The following UGT3A2 variants were observed in gnomAD, a reference collection of about 807,000 sequenced individuals.
UGT3A2 encodes the protein UDP glycosyltransferase family 3 member A2.
UGT3A2 carries 32 observed loss-of-function variants against 39.8 expected under a neutral mutation model. That is an observed-to-expected ratio of 0.80 (90% confidence interval 0.61 to 1.08). The LOEUF (loss-of-function observed/expected upper bound fraction) is 1.08. Ranked by LOEUF, UGT3A2 falls within the 50% of genes least tolerant of loss-of-function variation. The probability of loss-of-function intolerance (pLI) is 0.00; values close to 1 mark genes in which losing one functional copy is unlikely to be tolerated. For missense variants in UGT3A2, 611 were observed against 637.1 expected (o/e 0.96, Z 0.44); for synonymous variants, 241 against 230.7 (o/e 1.04, Z -0.40).
chr5:36,066,864 T>A lies in UGT3A2; in HGVS notation c.-75A>T. The stretch of plus-strand genomic sequence containing the variant: ...GCCCGGCTAAGGGACCCTGTGCACC[T>A]CAGTGCGCCAAAGGCACTGGCTGTG... On this transcript the variant is annotated 5_prime_UTR_variant, in exon 1 of 7. Coordinates refer to ENST00000282507, the MANE Select transcript of UGT3A2 (RefSeq NM_174914.4). The A allele has an allele frequency of 6.4e-7, 1 of 1,557,416 alleles. No individual in the cohort carries two copies. The highest frequency in any genetic ancestry group is 8.9e-7 in the Non-Finnish European group (1 of 1,129,446).
chr5:36,043,380 A>G (rs1742071892), intron 4 of UGT3A2, among the ~76,000 whole-genome samples: 1 of 152,026 alleles, frequency 6.6e-6, no homozygotes, highest in South Asian at 2.1e-4. Context: ...TACAGTGAAA[A>G]CGATACTAAG....
chr5:36,035,631 A>C lies in UGT3A2; in HGVS notation c.*67T>G. The C allele has an allele frequency of 6.4e-7, 1 of 1,564,206 alleles. No individual in the cohort carries two copies. Among genetic ancestry groups the C allele is most frequent in the East Asian group, 2.3e-5 (1 of 44,278 alleles). ...ACTAGAGAATGGGGCTGCCAGAACTAGTGGGAAGCTCCCTAGAAATGGTGA... is the reference window on the plus strand; with the variant it reads ...ACTAGAGAATGGGGCTGCCAGAACTCGTGGGAAGCTCCCTAGAAATGGTGA... On this transcript the variant is annotated 3_prime_UTR_variant, in exon 7 of 7. Coordinates refer to ENST00000282507, the MANE Select transcript of UGT3A2 (RefSeq NM_174914.4).
rs1318228530 is a variant in UGT3A2 at position 36,049,283 on chromosome 5, C to T, written c.449G>A (p.Cys150Tyr). The T allele has an allele frequency of 6.2e-7, 1 of 1,614,132 alleles. No individual in the cohort carries two copies. Among genetic ancestry groups the T allele is most frequent in the South Asian group, 1.1e-5 (1 of 91,078 alleles). The part of the protein sequence containing the change: ...DMVIVETFDY[C>Y]PFLIAEKLGK... Reference sequence around the variant, plus strand: ...AAGCTTCTCAGCAATCAGGAAAGGACAGTAGTCAAAAGTTTCAACTATCAC... The same window carrying T: ...AAGCTTCTCAGCAATCAGGAAAGGATAGTAGTCAAAAGTTTCAACTATCAC... The change falls in exon 4 of 7, where the codon TGT (cysteine) becomes TAT (tyrosine). Residue 150 changes from cysteine to tyrosine, a missense_variant. Transcript: ENST00000282507.
chr5:36,041,256 G>A lies in UGT3A2; in HGVS notation c.844-1548C>T, dbSNP rs536861307. On this transcript the variant is annotated intron_variant, in intron 4 of 6. Coordinates refer to ENST00000282507, the MANE Select transcript of UGT3A2 (RefSeq NM_174914.4). ...TAGATCCCTACAATTCCCAATTCCA[G>A]GACCCAGTTCCTGGACAGAATTCCT... Among the ~76,000 whole-genome samples the A allele has an allele frequency of 4.3e-4, 65 of 152,188 alleles. 1 individual carries two copies. In the South Asian group the frequency reaches 0.013, roughly 31 times the overall value.
chr5:36,040,815 C>G (rs1262911895), intron 4 of UGT3A2, among the ~76,000 whole-genome samples: 1 of 152,162 alleles, frequency 6.6e-6, no homozygotes, highest in Non-Finnish European at 1.5e-5. Context: ...GAGACACCAG[C>G]CAGGGCAGCC....
In UGT3A2 at chr5:36,061,099, G is replaced by A. The variant is rs538878399; in HGVS notation, c.196+3150C>T. ...AGGTACCAGAATCGCTTGAACCTAGGTAACGGAGGTTGCAGTGAGCCAAGA... is the reference window on the plus strand; with the variant it reads ...AGGTACCAGAATCGCTTGAACCTAGATAACGGAGGTTGCAGTGAGCCAAGA... On this transcript the variant is annotated intron_variant, in intron 2 of 6. Coordinates refer to ENST00000282507, the MANE Select transcript of UGT3A2 (RefSeq NM_174914.4). Among the ~76,000 whole-genome samples, 6 of 152,228 alleles carry A rather than the reference G, an allele frequency of 3.9e-5. No individual in the cohort carries two copies. The East Asian group carries it at 1.2e-3, about 29-fold the overall frequency.
At chr5:36,053,340 C>A (rs1358294626) in intron 2 of UGT3A2, among the ~76,000 whole-genome samples, 1 of 152,214 alleles carries the variant, frequency 6.6e-6, no homozygotes, top group Non-Finnish European at 1.5e-5. Flanking sequence ...TATTGAGCAT[C>A]TCTGTGCCCA....
In UGT3A2 at chr5:36,052,145, G is replaced by A. The variant is rs62354175; in HGVS notation, c.197-161C>T. ...TGCGTTTATTTATTTTTGAGACAGAGTCTTGCTCTGTCATTTAGGCTGGAG... is the reference window on the plus strand; with the variant it reads ...TGCGTTTATTTATTTTTGAGACAGAATCTTGCTCTGTCATTTAGGCTGGAG... On this transcript the variant is annotated intron_variant, in intron 2 of 6. Transcript: ENST00000282507. 6.6e-4 allele frequency among the ~76,000 whole-genome samples: 101 copies of A among 152,246 alleles called. 1 individual carries two copies. In the East Asian group the frequency reaches 0.016, roughly 24 times the overall value.
At chr5:36,041,114 A>G (rs967822) in intron 4 of UGT3A2, among the ~76,000 whole-genome samples, 2 of 152,126 alleles carry the variant, frequency 1.3e-5, no homozygotes, top group Non-Finnish European at 2.9e-5. Flanking sequence ...CTGCTAATTC[A>G]AAAGCCCTCG....
chr5:36,037,747 G>A, intron 6 of UGT3A2, 50 bp downstream of exon 6: 1 of 1,601,198 alleles, frequency 6.2e-7, no homozygotes, highest in Middle Eastern at 1.7e-4. Flanking sequence ...TGCCCTTAGT[G>A]TTTTTGCCTT....
At chr5:36,055,669 C>G (rs1015570896) in intron 2 of UGT3A2, among the ~76,000 whole-genome samples, 1 of 151,992 alleles carries the variant, frequency 6.6e-6, no homozygotes, top group East Asian at 1.9e-4. Flanking sequence ...TAGTAATATC[C>G]CCTCAATTAT....
In UGT3A2 at chr5:36,049,368, T is replaced by A; in HGVS notation, c.364A>T (p.Ser122Cys). 6.2e-7 allele frequency: 1 copy of A among 1,604,450 alleles called. No homozygotes were observed. Among genetic ancestry groups the A allele is most frequent in the Non-Finnish European group, 8.5e-7 (1 of 1,177,168 alleles). The change falls in exon 4 of 7, where the codon AGT becomes TGT. Residue 122 changes from serine (S) to cysteine (C), a missense_variant. Transcript: ENST00000282507. ...NVLEYLALQC[S>C]HFLNRKDIMD... ...ATATCCTTTCTATTTAAAAAATGAC[T>A]GCACTGCAACGCCAAGTATTCTAGA...
At chr5:36,050,016 A>G (rs1037212695) in intron 3 of UGT3A2, among the ~76,000 whole-genome samples, 8 of 152,054 alleles carry the variant, frequency 5.3e-5, no homozygotes, top group African/African-American at 1.9e-4. Flanking sequence ...GAAAAAATAA[A>G]AGCAAAAGGA....
intron 2 of UGT3A2, among the ~76,000 whole-genome samples, chr5:36,057,515 GTTTC>G (rs1197008851): frequency 6.8e-6 from 1 of 147,604 alleles, no homozygotes; most frequent in Non-Finnish European, 1.5e-5. Flanking sequence ...GCTTTCAGTA[GTTTC>G]TCTCTCTCTC....
chr5:36,045,608 AAAAAGAAAAGAAAAAGAAAAG>A (rs1321406006), intron 4 of UGT3A2, among the ~76,000 whole-genome samples: 4 of 151,144 alleles, frequency 2.6e-5, no homozygotes, highest in African/African-American at 9.8e-5. Context: ...CTCAAAAAAA[AAAAAGAAAAGAAAAAGAAAAG>A]AAAAGAAAAG....
At chr5:36,038,055 G>T in intron 5 of UGT3A2, 39 bp from the exon 6 acceptor site, 1 of 1,542,984 alleles carries the variant, frequency 6.5e-7, no homozygotes, top group South Asian at 1.3e-5. Flanking sequence ...ACTTCAGGAT[G>T]AAAATTTCAA....
rs1266054914 is a variant in UGT3A2, at chr5:36,049,021, C to G, written c.711G>C (p.Leu237Phe). Residue 237 changes from leucine (L) to phenylalanine (F), a missense_variant, in exon 4 of 7, where the codon TTG (leucine) becomes TTC (phenylalanine). Physicochemically the swap from Leu to Phe is conservative, Grantham distance 22. Transcript: ENST00000282507. ...EHFTEGSRPV[L>F]SHLLLKAELW... ...ACTCTGCTTTCAGTAGAAGATGAGACAAAACTGGCCTAGAGCCTTCTGTGA... is the reference window on the plus strand; with the variant it reads ...ACTCTGCTTTCAGTAGAAGATGAGAGAAAACTGGCCTAGAGCCTTCTGTGA... 1 of 1,614,168 alleles carries G rather than the reference C, an allele frequency of 6.2e-7. No homozygotes were observed. Among genetic ancestry groups the G allele is most frequent in the South Asian group, 1.1e-5 (1 of 91,086 alleles).
At chr5:36,044,641 T>C (rs1742111868) in intron 4 of UGT3A2, among the ~76,000 whole-genome samples, 1 of 152,128 alleles carries the variant, frequency 6.6e-6, no homozygotes, top group Admixed American at 6.5e-5. Context: ...AGTTGCAGGA[T>C]ACAAAATCAA....
intron 2 of UGT3A2, among the ~76,000 whole-genome samples, chr5:36,059,345 T>C (rs1470670707): frequency 3.4e-5 from 5 of 149,008 alleles, no homozygotes; most frequent in South Asian, 2.2e-4. Flanking sequence ...GGGAAGAATT[T>C]GGTTATTTCT....
Sources: gnomAD v4.1 joint callset for allele counts (sites outside exome capture counted in the v4.1 genomes callset) on GRCh38, gnomAD v4.1.1 for gene constraint, MANE v1.5 for transcripts, NCBI Gene and HGNC (gene_info 2026-07-23, HGNC 2026-07-21) for gene names.